ZBTB8B: variants seen among roughly 807,000 people sequenced by gnomAD.
ZBTB8B encodes the protein zinc finger and BTB domain containing 8B.
ZBTB8B carries 17 observed loss-of-function variants against 30.3 expected under a neutral mutation model. The observed-to-expected ratio is 0.56, with a 90% CI of 0.38 to 0.84. ZBTB8B has a LOEUF of 0.84. ZBTB8B is among the 40% of genes least tolerant of loss of function. The probability of loss-of-function intolerance (pLI) is 0.00; values close to 1 mark genes in which losing one functional copy is unlikely to be tolerated. For synonymous variants in ZBTB8B, 248 were observed against 255.6 expected (o/e 0.97, Z 0.28); for missense variants, 515 against 644.9 (o/e 0.80, Z 2.18).
rs549612537 is a variant in ZBTB8B at position 32,484,563 on chromosome 1, G to T, written c.1171-538G>T. On this transcript the variant is annotated intron_variant, in intron 3 of 3. Coordinates refer to ENST00000609129, the MANE Select transcript of ZBTB8B (RefSeq NM_001145720.2). The surrounding 1 kb of genome is among the most constrained non-coding windows in gnomAD (Gnocchi z 4.5). ...GAAGACTCATATGGTTTGGATCTCT[G>T]TCCCCACTCAAATCTCATGTTGAAA... Among the ~76,000 whole-genome samples the T allele has an allele frequency of 6.6e-6, 1 of 152,208 alleles. No individual in the cohort carries two copies. The highest frequency in any genetic ancestry group is 2.1e-4 in the South Asian group (1 of 4,818).
chr1:32,471,735 G>A, intron 2 of ZBTB8B, 120 bp downstream of exon 2: 1 of 1,138,278 alleles, frequency 8.8e-7, no homozygotes, highest in Non-Finnish European at 1.2e-6. Flanking sequence ...AACATTATCA[G>A]TACCATCATC....
intron 2 of ZBTB8B, among the ~76,000 whole-genome samples, chr1:32,475,176 T>TATTCATTTATTTGTTC (rs1463147047): frequency 2.0e-5 from 3 of 152,268 alleles, no homozygotes; most frequent in African/African-American, 7.2e-5. Context: ...TTGATTTGTT[T>TATTCATTTATTTGTTC]GGTTATTCAT....
At position 32,474,376 on chromosome 1, in the gene ZBTB8B, A is replaced by T. The variant is rs1214319765; in HGVS notation, c.991+2761A>T. Among the ~76,000 whole-genome samples the T allele has an allele frequency of 3.0e-3, 409 of 134,526 alleles. 2 individuals carry two copies. Among genetic ancestry groups the T allele is most frequent in the African/African-American group, 9.5e-3 (348 of 36,486 alleles). The allele number at this position is 134,526 out of a possible 152,430, so 88.3% of individuals were successfully genotyped here. A position where few individuals can be genotyped will look rare whatever the true frequency, so the allele number is the denominator to read the frequency against. ...AAAAAAAAAAAAAAAAAAAAAAAAA[A>T]AAAAAATTGAAAAATTAGCCAGGCG... On this transcript the variant is annotated intron_variant, in intron 2 of 3. Coordinates refer to ENST00000609129, the MANE Select transcript of ZBTB8B (RefSeq NM_001145720.2).
rs1420420653 is a variant in ZBTB8B, at chr1:32,492,352, G to A, written c.*6934G>A. ...GAGTTTCACTCTTGTTGCCAGGCTG[G>A]AGTGCAGTGGTGCAATCTCGGCTCA... On this transcript the variant is annotated 3_prime_UTR_variant, in exon 4 of 4. Transcript: ENST00000609129. The A allele has an allele frequency of 6.6e-6, 1 of 152,358 alleles. No homozygotes were observed. The highest frequency in any genetic ancestry group is 1.9e-4 in the East Asian group (1 of 5,252). The allele number at this position is 152,358 out of a possible 1,614,324, so 9.4% of individuals were successfully genotyped here. A position where few individuals can be genotyped will look rare whatever the true frequency, so the allele number is the denominator to read the frequency against.
Position 32,495,027 on chromosome 1 carries a change from C to T in ZBTB8B, c.*9609C>T, listed in dbSNP as rs1643807149. The T allele has an allele frequency of 6.6e-6, 1 of 152,192 alleles. No homozygotes were observed. Among genetic ancestry groups the T allele is most frequent in the African/African-American group, 2.4e-5 (1 of 41,520 alleles). 9.4% of individuals were successfully genotyped at this position (152,192 alleles called of 1,614,324 possible). A position where few individuals can be genotyped will look rare whatever the true frequency, so the allele number is the denominator to read the frequency against. ...GTCAGGCTGGTCTCGAACTCCTAAC[C>T]TCAGGTGATACACCCGCCTCAGCCT... On this transcript the variant is annotated 3_prime_UTR_variant, in exon 4 of 4. Coordinates refer to ENST00000609129, the MANE Select transcript of ZBTB8B (RefSeq NM_001145720.2).
At chr1:32,471,956 TACCATCATCTCC>T (rs1643625354) in intron 2 of ZBTB8B, among the ~76,000 whole-genome samples, 1 of 135,632 alleles carries the variant, frequency 7.4e-6, no homozygotes, top group Non-Finnish European at 1.7e-5. Context: ...TCATCATCAT[TACCATCATCTCC>T]AGTATCACCA....
intron 1 of ZBTB8B, among the ~76,000 whole-genome samples, chr1:32,468,832 G>T (rs1643593824): frequency 6.6e-6 from 1 of 151,252 alleles, no homozygotes; most frequent in Admixed American, 6.6e-5. Context: ...TTGCACTCCA[G>T]CCTGGGCGAG....
Position 32,487,311 on chromosome 1 carries a change from G to C in ZBTB8B, c.*1893G>C, listed in dbSNP as rs907120296. 5.3e-5 allele frequency: 8 copies of C among 152,194 alleles called. No individual in the cohort carries two copies. The highest frequency in any genetic ancestry group is 1.9e-4 in the African/African-American group (8 of 41,448). 9.4% of individuals were successfully genotyped at this position (152,194 alleles called of 1,614,324 possible). On this transcript the variant is annotated 3_prime_UTR_variant, in exon 4 of 4. Coordinates refer to ENST00000609129, the MANE Select transcript of ZBTB8B (RefSeq NM_001145720.2). ...CTGTTCTGTAAACTGTTTTCTACCA[G>C]TCTGCTACAAGGAAAGTCAGAAATT...
chr1:32,470,444 G>A (rs901187507), intron 1 of ZBTB8B, 140 bp from the exon 2 acceptor site: 34 of 763,350 alleles, frequency 4.5e-5, no homozygotes, highest in Non-Finnish European at 7.6e-6. Flanking sequence ...AGGTTGCAGT[G>A]AGCCGAGATT....
rs202221916 is a variant in ZBTB8B at position 32,470,991 on chromosome 1, G to C, written c.367G>C (p.Asp123His). 9.0e-4 allele frequency: 1,403 copies of C among 1,552,096 alleles called. 1 individual carries two copies. Among genetic ancestry groups the C allele is most frequent in the Non-Finnish European group, 1.2e-3 (1,359 of 1,147,112 alleles). ...CAAGACATACATTAGGTCATCCCTC[G>C]ACATTTGCCGAAAGATGGAGAAGGA... ...FCKTYIRSSLDICRKMEKEAA... is the reference protein window; with the variant it reads ...FCKTYIRSSLHICRKMEKEAA... The change falls in exon 2 of 4, where the codon GAC becomes CAC. Residue 123 changes from aspartate (D) to histidine (H), a missense_variant. Coordinates refer to ENST00000609129, the MANE Select transcript of ZBTB8B (RefSeq NM_001145720.2).
In ZBTB8B at chr1:32,470,492, G is replaced by C. The variant is rs983943874; in HGVS notation, c.-41-92G>C. 1.4e-5 allele frequency: 16 copies of C among 1,130,938 alleles called. 1 individual carries two copies. Among genetic ancestry groups the C allele is most frequent in the Non-Finnish European group, 1.8e-5 (16 of 873,768 alleles). 70.1% of individuals were successfully genotyped at this position (1,130,938 alleles called of 1,614,324 possible). ...TCCAGCCTGGGCAACAGAGCAAGAC[G>C]CTGACTCAAAAAAAAAAAAAAAAAA... On this transcript the variant is annotated intron_variant, in intron 1 of 3. Coordinates refer to ENST00000609129, the MANE Select transcript of ZBTB8B (RefSeq NM_001145720.2).
intron 2 of ZBTB8B, 70 bp from the exon 3 acceptor site, chr1:32,480,821 A>G: frequency 7.0e-7 from 1 of 1,430,444 alleles, no homozygotes; most frequent in Non-Finnish European, 9.4e-7. Context: ...TCTGGATCCC[A>G]TCCACCGGCG....
chr1:32,470,472 C>G lies in ZBTB8B; in HGVS notation c.-41-112C>G, dbSNP rs1028225610. On this transcript the variant is annotated intron_variant, in intron 1 of 3. Transcript: ENST00000609129. The stretch of plus-strand genomic sequence containing the variant: ...CCGAGATTGCGCCACTTCACTCCAG[C>G]CTGGGCAACAGAGCAAGACGCTGAC... 11 of 1,086,306 alleles carry G rather than the reference C, an allele frequency of 1.0e-5. No homozygotes were observed. The South Asian group carries it at 2.0e-4, about 20-fold the overall frequency. The allele number at this position is 1,086,306 out of a possible 1,614,324, so 67.3% of individuals were successfully genotyped here.
chr1:32,475,375 A>G (rs1643654350), intron 2 of ZBTB8B, among the ~76,000 whole-genome samples: 1 of 152,152 alleles, frequency 6.6e-6, no homozygotes, highest in African/African-American at 2.4e-5. Context: ...TGAGGTCAGG[A>G]GTTCAAGACC....
Position 32,485,420 on chromosome 1 carries a change from A to T in ZBTB8B, c.*2A>T. ...TCAGACCGAGAGACACTTACGTAGC[A>T]ATAAATTGGTGGGGAAGAGGAGGTT... On this transcript the variant is annotated 3_prime_UTR_variant, in exon 4 of 4. Coordinates refer to ENST00000609129, the MANE Select transcript of ZBTB8B (RefSeq NM_001145720.2). 6.5e-7 allele frequency: 1 copy of T among 1,545,850 alleles called. No homozygotes were observed. Among genetic ancestry groups the T allele is most frequent in the Non-Finnish European group, 8.8e-7 (1 of 1,141,980 alleles).
rs1257279624 is a variant in ZBTB8B, at chr1:32,480,887, C to T, written c.992-4C>T. 2 of 1,550,582 alleles carry T rather than the reference C, an allele frequency of 1.3e-6. No individual in the cohort carries two copies. Among genetic ancestry groups the T allele is most frequent in the East Asian group, 2.4e-5 (1 of 40,902 alleles). ...CAGCTAAATGAAAGCATTTGGTTCC[C>T]CAGGTGATGTGCTGGTGGTCCCCAT... On this transcript the variant is annotated splice_polypyrimidine_tract_variant and splice_region_variant and intron_variant, in intron 2 of 3. Transcript: ENST00000609129.
At chr1:32,474,670 T>C (rs751941336) in intron 2 of ZBTB8B, among the ~76,000 whole-genome samples, 9 of 152,234 alleles carry the variant, frequency 5.9e-5, no homozygotes, top group Non-Finnish European at 1.2e-4. Context: ...AAATTCTCAT[T>C]GCTGTGTGTA....
chr1:32,487,806 C>G lies in ZBTB8B; in HGVS notation c.*2388C>G, dbSNP rs1440967756. On this transcript the variant is annotated 3_prime_UTR_variant, in exon 4 of 4. Transcript: ENST00000609129. ...TGAGCTGGAATCGTGCCACTCCACT[C>G]CAGCCTGGGCAACAGTGTGAGACCT... 6.6e-6 allele frequency: 1 copy of G among 151,990 alleles called. No individual in the cohort carries two copies. The highest frequency in any genetic ancestry group is 2.4e-5 in the African/African-American group (1 of 41,380). The allele number at this position is 151,990 out of a possible 1,614,324, so 9.4% of individuals were successfully genotyped here.
Position 32,470,937 on chromosome 1 carries a change from C to T in ZBTB8B, c.313C>T (p.Leu105=), listed in dbSNP as rs1643612884. 6.4e-7 allele frequency: 1 copy of T among 1,552,104 alleles called. No individual in the cohort carries two copies. Among genetic ancestry groups the T allele is most frequent in the African/African-American group, 1.4e-5 (1 of 73,054 alleles). Residue 105 remains leucine, a synonymous_variant, in exon 2 of 4, where the codon CTG becomes TTG. Transcript: ENST00000609129. ...TGAAGTGATGTCGGCTGCCAGCTAC[C>T]TGCAGATGAATGACGTGGTGAACTT... ...VIEVMSAASY[L]QMNDVVNFCK...
Sources: gnomAD v4.1 joint callset for allele counts (sites outside exome capture counted in the v4.1 genomes callset) on GRCh38, gnomAD v4.1.1 for gene constraint, Gnocchi (gnomAD v3.1) non-coding constraint, MANE v1.5 for transcripts, NCBI Gene and HGNC (gene_info 2026-07-23, HGNC 2026-07-21) for gene names.